PGBD5: variants seen among roughly 807,000 people sequenced by gnomAD.
PGBD5 encodes piggyBac transposable element derived 5, also known as piggyBac transposable element-derived protein 5.
Under a neutral mutation model 47.9 loss-of-function variants are expected in PGBD5, and 14 were observed. That is an observed-to-expected ratio of 0.29 (90% CI 0.19 to 0.46). The LOEUF is 0.46. Among genes scored for constraint, PGBD5 ranks in the 20% least tolerant of loss-of-function variants. The pLI, the probability that PGBD5 is intolerant of heterozygous loss-of-function variation, is 1.00. For synonymous variants in PGBD5, 316 were observed against 306.3 expected (o/e 1.03, Z -0.33); for missense variants, 635 against 716.0 (o/e 0.89, Z 1.29).
rs541377466 is a variant in PGBD5, at chr1:230,414,118, C to G, written c.331+11480G>C. On this transcript the variant is annotated intron_variant, in intron 1 of 6. Coordinates refer to ENST00000391860, the MANE Select transcript of PGBD5 (RefSeq NM_001258311.2). ...ACATTGGATCACTCTTAGGAGCCCA[C>G]CAGAGACAGTACAAAGGGTACTTGG... Among the ~76,000 whole-genome samples, 3 of 152,232 alleles carry G rather than the reference C, an allele frequency of 2.0e-5. No individual in the cohort carries two copies. In the East Asian group the frequency reaches 5.8e-4, roughly 29 times the overall value.
rs141769210 is a variant in PGBD5, at chr1:230,357,969, T to C, written c.332-648A>G. Among the ~76,000 whole-genome samples, 2,240 of 151,880 alleles carry C rather than the reference T, an allele frequency of 0.015. 34 individuals carry two copies. The highest frequency in any genetic ancestry group is 0.034 in the African/African-American group (1,421 of 41,322). Reference sequence around the variant, plus strand: ...ATACACATGCATATATACACATACATACACACACATACATACATACATACA... The same window carrying C: ...ATACACATGCATATATACACATACACACACACACATACATACATACATACA... On this transcript the variant is annotated intron_variant, in intron 1 of 6. Transcript: ENST00000391860. The surrounding 1 kb of genome is among the most constrained non-coding windows in gnomAD (Gnocchi z 5.7).
chr1:230,371,833 G>C (rs1667933596), intron 1 of PGBD5, among the ~76,000 whole-genome samples: 1 of 152,218 alleles, frequency 6.6e-6, no homozygotes, highest in Admixed American at 6.5e-5. Context: ...GCCTGGGTTT[G>C]AATCATGATT....
At chr1:230,355,716 G>A (rs16851556) in intron 2 of PGBD5, among the ~76,000 whole-genome samples, 1 of 152,036 alleles carries the variant, frequency 6.6e-6, no homozygotes, top group Non-Finnish European at 1.5e-5. Context: ...GAATCCACAC[G>A]GGACTGTGGG....
intron 1 of PGBD5, among the ~76,000 whole-genome samples, chr1:230,367,168 A>G (rs192108618): frequency 1.2e-4 from 19 of 152,066 alleles, no homozygotes; most frequent in Non-Finnish European, 8.8e-5. Context: ...GTCGCAATCA[A>G]ATTGGGTCCA....
rs376803251 is a variant in PGBD5, at chr1:230,368,121, C to T, written c.332-10800G>A. On this transcript the variant is annotated intron_variant, in intron 1 of 6. Coordinates refer to ENST00000391860, the MANE Select transcript of PGBD5 (RefSeq NM_001258311.2). ...CGGATGTGCTCAAGTTCTGACCACA[C>T]AGATGGTGGTGGTGAGGAGGAGGCT... 2.9e-6 allele frequency: 4 copies of T among 1,367,790 alleles called. No individual in the cohort carries two copies. The African/African-American group carries it at 5.9e-5, about 20-fold the overall frequency. 84.7% of individuals were successfully genotyped at this position (1,367,790 alleles called of 1,614,324 possible).
At chr1:230,381,945 C>T (rs1158031567) in intron 1 of PGBD5, among the ~76,000 whole-genome samples, 2 of 152,208 alleles carry the variant, frequency 1.3e-5, no homozygotes, top group East Asian at 3.9e-4. Flanking sequence ...AGCTGCAACC[C>T]TTTTCATGAA....
In PGBD5 at chr1:230,388,491, C is replaced by T. The variant is rs1341463551; in HGVS notation, c.332-31170G>A. Reference sequence around the variant, plus strand: ...AGTGCAGTGGCACGATGTCAGCTCACTGCAAGCTCTGCCTCCTGGGTTCAC... The same window carrying T: ...AGTGCAGTGGCACGATGTCAGCTCATTGCAAGCTCTGCCTCCTGGGTTCAC... On this transcript the variant is annotated intron_variant, in intron 1 of 6. Coordinates refer to ENST00000391860, the MANE Select transcript of PGBD5 (RefSeq NM_001258311.2). 2.0e-5 allele frequency among the ~76,000 whole-genome samples: 3 copies of T among 151,502 alleles called. No individual in the cohort carries two copies. The East Asian group carries it at 5.8e-4, about 29-fold the overall frequency.
intron 1 of PGBD5, among the ~76,000 whole-genome samples, chr1:230,405,194 CA>C (rs572023424): frequency 2.2e-3 from 266 of 119,936 alleles, no homozygotes; most frequent in Middle Eastern, 4.9e-3. Flanking sequence ...GACTCCACCT[CA>C]AAAAAAAAAA....
intron 1 of PGBD5, among the ~76,000 whole-genome samples, chr1:230,364,167 T>C (rs2820382): frequency 0.71 from 108,324 of 152,196 alleles, 38,979 homozygotes; most frequent in Non-Finnish European, 0.74. Flanking sequence ...TCAGCTCTAT[T>C]GGGGTACTCC....
At chr1:230,370,253 G>A (rs1316972110) in intron 1 of PGBD5, among the ~76,000 whole-genome samples, 1 of 152,142 alleles carries the variant, frequency 6.6e-6, no homozygotes, top group Admixed American at 6.5e-5. Context: ...CCAGGCTGTT[G>A]GCACCATCCT....
intron 1 of PGBD5, among the ~76,000 whole-genome samples, chr1:230,385,695 A>C (rs1184168707): frequency 6.6e-6 from 1 of 152,232 alleles, no homozygotes; most frequent in African/African-American, 2.4e-5. Flanking sequence ...GTCCAGATAA[A>C]ATGAGGGAGA....
chr1:230,366,480 A>T (rs1667835673), intron 1 of PGBD5, among the ~76,000 whole-genome samples: 1 of 152,164 alleles, frequency 6.6e-6, no homozygotes, highest in African/African-American at 2.4e-5. Context: ...TCTGAGACTA[A>T]TTATAAGACA....
At chr1:230,419,638 A>AT (rs1433603803) in intron 1 of PGBD5, among the ~76,000 whole-genome samples, 2 of 152,348 alleles carry the variant, frequency 1.3e-5, no homozygotes, top group East Asian at 3.9e-4. Flanking sequence ...TGGGCATCGC[A>AT]TACCGGTTTG....
At chr1:230,373,400 T>C (rs939277726) in intron 1 of PGBD5, among the ~76,000 whole-genome samples, 1 of 152,188 alleles carries the variant, frequency 6.6e-6, no homozygotes, top group Non-Finnish European at 1.5e-5. Flanking sequence ...TCTGAATCCC[T>C]GCCTGGGGCC....
At chr1:230,347,476 C>CT (rs71733326) in intron 3 of PGBD5, among the ~76,000 whole-genome samples, 40,520 of 113,208 alleles carry the variant, frequency 0.36, 8,405 homozygotes, top group Non-Finnish European at 0.44. Flanking sequence ...ATTTTCTTTT[C>CT]TTTTTTTTTT....
At chr1:230,333,092 G>A (rs753817137) in intron 4 of PGBD5, 51 bp from the exon 5 acceptor site, 19 of 1,537,704 alleles carry the variant, frequency 1.2e-5, no homozygotes, top group South Asian at 9.7e-5. Flanking sequence ...CGGAGATGCC[G>A]GCGGCTCCTC....
chr1:230,416,777 G>A (rs1657523997), intron 1 of PGBD5, among the ~76,000 whole-genome samples: 1 of 152,198 alleles, frequency 6.6e-6, no homozygotes, highest in South Asian at 2.1e-4. Context: ...CCTTCGGTTT[G>A]GATGGGAAGT....
intron 3 of PGBD5, among the ~76,000 whole-genome samples, chr1:230,343,914 A>C (rs371210628): frequency 6.6e-6 from 1 of 152,238 alleles, no homozygotes; most frequent in African/African-American, 2.4e-5. Flanking sequence ...ATCAAGCTGG[A>C]TAAAAGATAC....
At chr1:230,381,633 T>TC (rs1365159388) in intron 1 of PGBD5, among the ~76,000 whole-genome samples, 1 of 152,220 alleles carries the variant, frequency 6.6e-6, no homozygotes, top group Non-Finnish European at 1.5e-5. Flanking sequence ...CCTATCAGTG[T>TC]CCCTACTGCT....
Sources: allele counts gnomAD v4.1 joint callset (sites outside exome capture counted in the v4.1 genomes callset), GRCh38; gene constraint gnomAD v4.1.1; non-coding constraint Gnocchi (gnomAD v3.1); transcripts MANE v1.5; gene names NCBI Gene and HGNC (gene_info 2026-07-23, HGNC 2026-07-21).